The following HGSNAT variants were observed in gnomAD, a reference collection of about 807,000 sequenced individuals.
HGSNAT encodes heparan-alpha-glucosaminide N-acetyltransferase.
HGSNAT carries 59 observed loss-of-function variants against 85.2 expected under a neutral mutation model. The ratio of observed to expected loss-of-function variants is 0.69; its 90% CI spans 0.56 to 0.86. The LOEUF is 0.86. Among genes scored for constraint, HGSNAT ranks in the 40% least tolerant of loss-of-function variants. The pLI is 0.00. For synonymous variants in HGSNAT, 321 were observed against 304.5 expected (o/e 1.05, Z -0.56); for missense variants, 756 against 777.1 (o/e 0.97, Z 0.32).
chr8:43,147,030 G>T lies in HGSNAT; in HGVS notation c.201G>T (p.Leu67Phe). Reference sequence around the variant, plus strand: ...ATAATGAACTTCTCTGGACCAACTTGACCGTCTACTGGAAATCTGAATGCT... The same window carrying T: ...ATAATGAACTTCTCTGGACCAACTTTACCGTCTACTGGAAATCTGAATGCT... ...LIHNELLWTN[L>F]TVYWKSECCY... The change falls in exon 2 of 18, where the codon TTG (leucine) becomes TTT (phenylalanine). Residue 67 changes from leucine to phenylalanine, a missense_variant. Physicochemically the swap from Leu to Phe is conservative, Grantham distance 22. Coordinates refer to ENST00000379644, the MANE Select transcript of HGSNAT (RefSeq NM_152419.3). 6.2e-7 allele frequency: 1 copy of T among 1,606,402 alleles called. No individual in the cohort carries two copies. Among genetic ancestry groups the T allele is most frequent in the South Asian group, 1.1e-5 (1 of 88,924 alleles).
intron 2 of HGSNAT, among the ~76,000 whole-genome samples, chr8:43,150,115 C>T (rs1397233000): frequency 6.6e-6 from 1 of 152,042 alleles, no homozygotes; most frequent in East Asian, 1.9e-4. Context: ...CGCCACCGCA[C>T]CCAGTAATTT....
intron 2 of HGSNAT, among the ~76,000 whole-genome samples, chr8:43,148,096 C>G (rs1165607067): frequency 6.6e-6 from 1 of 151,782 alleles, no homozygotes; most frequent in African/African-American, 2.4e-5. Flanking sequence ...TACAAAATTA[C>G]CGGGCATGGT....
chr8:43,143,173 A>T (rs1395828551), intron 1 of HGSNAT, among the ~76,000 whole-genome samples: 1 of 152,252 alleles, frequency 6.6e-6, no homozygotes, highest in Non-Finnish European at 1.5e-5. Context: ...GGTGTCAGGG[A>T]TTAAATAAAG....
intron 17 of HGSNAT, 27 bp from the exon 18 acceptor site, chr8:43,199,361 G>C (rs1462669281): frequency 5.4e-6 from 8 of 1,487,998 alleles, no homozygotes; most frequent in Non-Finnish European, 7.4e-6. Context: ...TGAGAAACAT[G>C]ATCTTCTGTA....
At chr8:43,166,751 T>C (rs1049584871) in intron 5 of HGSNAT, among the ~76,000 whole-genome samples, 5 of 152,210 alleles carry the variant, frequency 3.3e-5, no homozygotes, top group Non-Finnish European at 7.3e-5. Context: ...TTTCAAGTCT[T>C]ACTATTTAAA....
Position 43,170,690 on chromosome 8 carries a change from A to G in HGSNAT, c.739A>G (p.Arg247Gly), listed in dbSNP as rs1364305427. The change falls in exon 7 of 18, where the codon AGG (arginine) becomes GGG (glycine). Residue 247 changes from arginine to glycine, a missense_variant. Arg to Gly is a moderately radical substitution (Grantham distance 125). Coordinates refer to ENST00000379644, the MANE Select transcript of HGSNAT (RefSeq NM_152419.3). ...PPRLRSVDTF[R>G]GIALILMVFV... ...CCGCCTCCGCAGCGTGGACACCTTC[A>G]GGGGGTATGTGGGCCTCCCTGTAGC... The G allele has an allele frequency of 6.3e-7, 1 of 1,595,370 alleles. No individual in the cohort carries two copies. The highest frequency in any genetic ancestry group is 2.3e-5 in the East Asian group (1 of 44,324).
chr8:43,188,123 G>C (rs1273980916), intron 11 of HGSNAT, among the ~76,000 whole-genome samples: 2 of 152,022 alleles, frequency 1.3e-5, no homozygotes, highest in African/African-American at 4.8e-5. Flanking sequence ...TATGTGTCTT[G>C]GAGTTGCTCT....
At position 43,197,657 on chromosome 8, in the gene HGSNAT, T is replaced by C; in HGVS notation, c.1543-15T>C. Reference sequence around the variant, plus strand: ...ATAATATAAAATGTTAACATCCTTCTCTTCCCCATTACAGGGGCTCATTTC... The same window carrying C: ...ATAATATAAAATGTTAACATCCTTCCCTTCCCCATTACAGGGGCTCATTTC... On this transcript the variant is annotated splice_polypyrimidine_tract_variant and intron_variant, in intron 15 of 17. Coordinates refer to ENST00000379644, the MANE Select transcript of HGSNAT (RefSeq NM_152419.3). 6.3e-7 allele frequency: 1 copy of C among 1,592,022 alleles called. No homozygotes were observed. The highest frequency in any genetic ancestry group is 8.6e-7 in the Non-Finnish European group (1 of 1,160,136).
chr8:43,201,716 CTG>C lies in HGSNAT; in HGVS notation c.*2150_*2151del, dbSNP rs1266400955. 6.6e-6 allele frequency: 1 copy of C among 152,246 alleles called. No individual in the cohort carries two copies. Among genetic ancestry groups the C allele is most frequent in the Admixed American group, 6.5e-5 (1 of 15,282 alleles). 9.4% of individuals were successfully genotyped at this position (152,246 alleles called of 1,614,324 possible). On this transcript the variant is annotated 3_prime_UTR_variant, in exon 18 of 18. Transcript: ENST00000379644. This position sits in a 1 kb window ranked among gnomAD's most constrained non-coding sequence, Gnocchi z 4.4. ...GCAATTTCTAATTTCCCACGCTAGACTGTGAGCTTCCTAAGGCAAGAATCATG... is the reference window on the plus strand; with the variant it reads ...GCAATTTCTAATTTCCCACGCTAGACTGAGCTTCCTAAGGCAAGAATCATG...
chr8:43,202,726 G>A lies in HGSNAT; in HGVS notation c.*3157G>A, dbSNP rs1324487368. On this transcript the variant is annotated 3_prime_UTR_variant, in exon 18 of 18. Coordinates refer to ENST00000379644, the MANE Select transcript of HGSNAT (RefSeq NM_152419.3). ...TCTTTTATAAATGCATAATAACCCAGTTTGTATCAAAGGGTATCGACTTAA... is the reference window on the plus strand; with the variant it reads ...TCTTTTATAAATGCATAATAACCCAATTTGTATCAAAGGGTATCGACTTAA... The A allele has an allele frequency of 2.0e-5, 3 of 152,170 alleles. No individual in the cohort carries two copies. Among genetic ancestry groups the A allele is most frequent in the Non-Finnish European group, 4.4e-5 (3 of 68,032 alleles). The allele number at this position is 152,170 out of a possible 1,614,324, so 9.4% of individuals were successfully genotyped here. A position where few individuals can be genotyped will look rare whatever the true frequency, so the allele number is the denominator to read the frequency against.
chr8:43,186,323 T>C (rs1252235914), intron 11 of HGSNAT, among the ~76,000 whole-genome samples: 7 of 152,226 alleles, frequency 4.6e-5, no homozygotes, highest in African/African-American at 1.4e-4. Context: ...GAGCCTGTTA[T>C]TGTTCTATTC....
chr8:43,184,768 A>C (rs893631997), intron 11 of HGSNAT, among the ~76,000 whole-genome samples: 13 of 152,142 alleles, frequency 8.5e-5, no homozygotes, highest in African/African-American at 3.1e-4. Flanking sequence ...TTATGGTTTT[A>C]GGTCTAACAT....
intron 11 of HGSNAT, among the ~76,000 whole-genome samples, chr8:43,189,198 C>T (rs1386750502): frequency 2.6e-5 from 4 of 152,228 alleles, no homozygotes; most frequent in Non-Finnish European, 5.9e-5. Flanking sequence ...GAAGTTTCTG[C>T]TGCCTTTTAT....
intron 11 of HGSNAT, among the ~76,000 whole-genome samples, chr8:43,185,637 C>T (rs1184046895): frequency 6.6e-6 from 1 of 152,172 alleles, no homozygotes; most frequent in Non-Finnish European, 1.5e-5. Flanking sequence ...ATTTCTTTCT[C>T]CTGCCTGATT....
rs542947885 is a variant in HGSNAT, at chr8:43,178,545, C to T, written c.1012+311C>T. 6.0e-5 allele frequency among the ~76,000 whole-genome samples: 9 copies of T among 150,656 alleles called. No homozygotes were observed. The South Asian group carries it at 1.1e-3, about 18-fold the overall frequency. ...AGGCACAGCAGGGACCAGACCAGGC[C>T]GCCTTGGTCTCCAACTTTGCCCCCT... On this transcript the variant is annotated intron_variant, in intron 10 of 17. Coordinates refer to ENST00000379644, the MANE Select transcript of HGSNAT (RefSeq NM_152419.3).
chr8:43,194,759 G>A (rs1241955261), intron 14 of HGSNAT, among the ~76,000 whole-genome samples: 1 of 152,172 alleles, frequency 6.6e-6, no homozygotes, highest in Admixed American at 6.5e-5. Context: ...GAGCCCTCAC[G>A]CTGCATCCCG....
intron 9 of HGSNAT, among the ~76,000 whole-genome samples, chr8:43,176,700 T>A (rs1030584727): frequency 2.6e-5 from 4 of 152,228 alleles, no homozygotes; most frequent in African/African-American, 9.6e-5. Flanking sequence ...TTTCCATTTT[T>A]TGGTGCCCTC....
rs201688937 is a variant in HGSNAT, at chr8:43,159,057, T to A, written c.493+13T>A. The stretch of plus-strand genomic sequence containing the variant: ...GATAGTAACCTTCGTACGTATATGT[T>A]CTCTGCTGATTTTCACATTTGCATT... On this transcript the variant is annotated intron_variant, in intron 4 of 17. Transcript: ENST00000379644. The A allele has an allele frequency of 1.6e-4, 255 of 1,603,276 alleles. No individual in the cohort carries two copies. In the East Asian group the frequency reaches 4.5e-3, roughly 29 times the overall value.
intron 2 of HGSNAT, among the ~76,000 whole-genome samples, chr8:43,152,302 G>A (rs898413368): frequency 6.6e-6 from 1 of 152,020 alleles, no homozygotes; most frequent in Non-Finnish European, 1.5e-5. Flanking sequence ...AGAAAGAAAA[G>A]GGGAAATGCA....
Sources: allele counts gnomAD v4.1 joint callset (sites outside exome capture counted in the v4.1 genomes callset), GRCh38; gene constraint gnomAD v4.1.1; non-coding constraint Gnocchi (gnomAD v3.1); transcripts MANE v1.5; gene names NCBI Gene and HGNC (gene_info 2026-07-23, HGNC 2026-07-21).